The following PDLIM5 variants were observed in gnomAD, a reference collection of about 807,000 sequenced individuals.
The protein encoded by PDLIM5 is PDZ and LIM domain 5.
A neutral mutation model predicts 64.2 loss-of-function variants in PDLIM5; 34 were observed. That is an observed-to-expected ratio of 0.53 (90% CI 0.40 to 0.71). PDLIM5 has a LOEUF of 0.71. PDLIM5 is among the 30% of genes least tolerant of loss of function. PDLIM5 has a pLI of 0.00. For missense variants in PDLIM5, 683 were observed against 733.6 expected, an observed-to-expected ratio of 0.93 and a Z score of 0.80; for synonymous variants, 253 against 269.1, an observed-to-expected ratio of 0.94 and a Z score of 0.59.
At chr4:94,548,500 G>A (rs1732518929) in intron 3 of PDLIM5, among the ~76,000 whole-genome samples, 1 of 152,160 alleles carries the variant, frequency 6.6e-6, no homozygotes, top group Non-Finnish European at 1.5e-5. Context: ...TATTGCCGAT[G>A]TTTTAGTAGA....
intron 3 of PDLIM5, among the ~76,000 whole-genome samples, chr4:94,538,205 T>C (rs1731480502): frequency 6.6e-6 from 1 of 152,208 alleles, no homozygotes; most frequent in African/African-American, 2.4e-5. Context: ...GTGTGCATTC[T>C]CTGAATACTA....
chr4:94,660,891 G>A (rs533155471), intron 11 of PDLIM5, among the ~76,000 whole-genome samples: 24 of 150,392 alleles, frequency 1.6e-4, no homozygotes, highest in African/African-American at 4.4e-4. Context: ...TGGGCAAGAT[G>A]GGGAAACCCT....
intron 3 of PDLIM5, among the ~76,000 whole-genome samples, chr4:94,548,596 AG>A (rs1257282204): frequency 1.3e-5 from 2 of 152,160 alleles, no homozygotes; most frequent in Non-Finnish European, 2.9e-5. Flanking sequence ...TTCTAAGGGA[AG>A]ATAAGAGAGG....
chr4:94,621,409 C>T (rs72880404), intron 8 of PDLIM5, among the ~76,000 whole-genome samples: 8,170 of 152,092 alleles, frequency 0.054, 744 homozygotes, highest in African/African-American at 0.18. Flanking sequence ...TCTGTAATTA[C>T]TTTGTGCATT....
intron 9 of PDLIM5, among the ~76,000 whole-genome samples, chr4:94,642,471 G>C (rs1313415024): frequency 2.6e-5 from 4 of 152,128 alleles, no homozygotes; most frequent in Non-Finnish European, 5.9e-5. Flanking sequence ...CAGTCATCCT[G>C]CCGTGTAAAA....
chr4:94,531,826 A>C (rs1258049127), intron 3 of PDLIM5, among the ~76,000 whole-genome samples: 1 of 152,162 alleles, frequency 6.6e-6, no homozygotes, highest in African/African-American at 2.4e-5. Flanking sequence ...CTCTGTTAAA[A>C]AGTACTTTTC....
intron 3 of PDLIM5, among the ~76,000 whole-genome samples, chr4:94,548,374 A>G (rs977779896): frequency 1.3e-5 from 2 of 152,206 alleles, no homozygotes; most frequent in Non-Finnish European, 2.9e-5. Context: ...CTTTAAGACT[A>G]GAAGGAAAAA....
chr4:94,452,704 G>A lies in PDLIM5; in HGVS notation c.-43+709G>A, dbSNP rs58993096. ...AGGAAGGGCGTGTGGACAGGGCAGAGCTTGGAAGGAAAATTCGTGGCGGCG... is the reference window on the plus strand; with the variant it reads ...AGGAAGGGCGTGTGGACAGGGCAGAACTTGGAAGGAAAATTCGTGGCGGCG... On this transcript the variant is annotated intron_variant, in intron 1 of 12. Coordinates refer to ENST00000317968, the MANE Select transcript of PDLIM5 (RefSeq NM_006457.5). Among the ~76,000 whole-genome samples the A allele has an allele frequency of 5.1e-3, 779 of 152,282 alleles. 13 individuals carry two copies. Among genetic ancestry groups the A allele is most frequent in the African/African-American group, 0.017 (695 of 41,560 alleles).
intron 10 of PDLIM5, among the ~76,000 whole-genome samples, chr4:94,655,689 T>C (rs867581341): frequency 6.6e-6 from 1 of 152,326 alleles, no homozygotes; most frequent in Middle Eastern, 3.4e-3. Context: ...TTAATACTGT[T>C]TTAGTGTATC....
intron 3 of PDLIM5, among the ~76,000 whole-genome samples, chr4:94,546,830 G>GC (rs1216901495): frequency 4.1e-5 from 5 of 122,254 alleles, no homozygotes; most frequent in East Asian, 2.6e-4. Flanking sequence ...TCTGACATTA[G>GC]GCCCCCCCCA....
intron 2 of PDLIM5, among the ~76,000 whole-genome samples, chr4:94,501,054 T>G (rs1293771684): frequency 1.3e-5 from 2 of 150,098 alleles, no homozygotes; most frequent in East Asian, 3.9e-4. Flanking sequence ...GGTGCTGGAG[T>G]TACAGGTGTG....
chr4:94,575,705 G>A lies in PDLIM5; in HGVS notation c.381G>A (p.Lys127=). ...VTSTNNMAYN[K]APRPFGSVSS... The stretch of plus-strand genomic sequence containing the variant: ...CCACAAACAACATGGCCTACAATAA[G>A]GCACCACGGCCTTTTGGTTCTGTGT... Residue 127 remains lysine (K), a synonymous_variant, in exon 5 of 13, where the codon AAG becomes AAA. Coordinates refer to ENST00000317968, the MANE Select transcript of PDLIM5 (RefSeq NM_006457.5). 1.2e-6 allele frequency: 2 copies of A among 1,613,960 alleles called. No homozygotes were observed. Among genetic ancestry groups the A allele is most frequent in the Non-Finnish European group, 1.7e-6 (2 of 1,179,900 alleles).
At chr4:94,481,317 G>T in intron 2 of PDLIM5, among the ~76,000 whole-genome samples, 1 of 143,756 alleles carries the variant, frequency 7.0e-6, no homozygotes, top group African/African-American at 2.6e-5. Context: ...TTGAGACAGA[G>T]TCTTGCTCTG....
intron 3 of PDLIM5, among the ~76,000 whole-genome samples, chr4:94,556,525 G>A (rs1187026503): frequency 6.6e-6 from 1 of 152,202 alleles, no homozygotes; most frequent in South Asian, 2.1e-4. Flanking sequence ...CCCACCAACA[G>A]TGTAAAAGTG....
chr4:94,516,121 G>A (rs543805414), intron 2 of PDLIM5, among the ~76,000 whole-genome samples: 2 of 152,236 alleles, frequency 1.3e-5, no homozygotes, highest in African/African-American at 4.8e-5. Context: ...ACTAAATAAG[G>A]GCTCATCATA....
intron 3 of PDLIM5, among the ~76,000 whole-genome samples, chr4:94,528,480 G>C (rs1388652763): frequency 6.6e-6 from 1 of 152,126 alleles, no homozygotes; most frequent in Non-Finnish European, 1.5e-5. Flanking sequence ...GGTTCTCCAA[G>C]AAGACTCTTT....
intron 4 of PDLIM5, 138 bp downstream of exon 4, chr4:94,573,531 T>G: frequency 1.3e-6 from 1 of 790,924 alleles, no homozygotes; most frequent in South Asian, 1.3e-5. Flanking sequence ...GTTCTTTTCC[T>G]TCAGAGATGA....
At chr4:94,646,626 G>C (rs189344219) in intron 9 of PDLIM5, among the ~76,000 whole-genome samples, 202 of 152,148 alleles carry the variant, frequency 1.3e-3, no homozygotes, top group African/African-American at 4.5e-3. Context: ...AAAAAGGAGA[G>C]GTAAGGATTA....
intron 1 of PDLIM5, among the ~76,000 whole-genome samples, chr4:94,452,796 G>A (rs1722980576): frequency 6.6e-6 from 1 of 152,138 alleles, no homozygotes; most frequent in Admixed American, 6.5e-5. Context: ...TGACGGGGAG[G>A]ACGTCTGAAC....
Sources: gnomAD v4.1 joint callset for allele counts (sites outside exome capture counted in the v4.1 genomes callset) on GRCh38, gnomAD v4.1.1 for gene constraint, MANE v1.5 for transcripts, NCBI Gene and HGNC (gene_info 2026-07-23, HGNC 2026-07-21) for gene names.